SLC7A5: variants seen among roughly 807,000 people sequenced by gnomAD.
SLC7A5 encodes the protein solute carrier family 7 member 5.
SLC7A5 carries 23 observed loss-of-function variants against 50.2 expected under a neutral mutation model. The observed-to-expected ratio is 0.46, with a 90% CI of 0.33 to 0.65. The LOEUF (loss-of-function observed/expected upper bound fraction) is 0.65. Ranked by LOEUF, SLC7A5 falls within the 30% of genes least tolerant of loss-of-function variation. SLC7A5 has a pLI of 0.02. For synonymous variants in SLC7A5, 393 were observed against 330.6 expected (o/e 1.19, Z -2.05); for missense variants, 578 against 684.4 (o/e 0.84, Z 1.73).
At position 87,832,930 on chromosome 16, in the gene SLC7A5, C is replaced by CCT; in HGVS notation, c.*38_*39dup. 1 of 1,558,964 alleles carries CCT rather than the reference C, an allele frequency of 6.4e-7. No homozygotes were observed. Among genetic ancestry groups the CCT allele is most frequent in the South Asian group, 1.1e-5 (1 of 89,934 alleles). ...CGAGGAGGTGATCTACTTTAACTGG[C>CCT]CTCTGCGCATGCTCCTCCGGCAGCC... On this transcript the variant is annotated 3_prime_UTR_variant, in exon 10 of 10. Coordinates refer to ENST00000261622, the MANE Select transcript of SLC7A5 (RefSeq NM_003486.7). The surrounding 1 kb of genome is among the most constrained non-coding windows in gnomAD (Gnocchi z 4.6).
At chr16:87,836,695 C>T (rs949227637) in intron 7 of SLC7A5, 48 bp from the exon 8 acceptor site, 2 of 1,601,978 alleles carry the variant, frequency 1.2e-6, no homozygotes, top group African/African-American at 2.7e-5. Flanking sequence ...ACGAGCAGGG[C>T]TGTGGACGGC....
intron 2 of SLC7A5, 125 bp downstream of exon 2, chr16:87,851,599 C>T: frequency 8.2e-7 from 1 of 1,221,102 alleles, no homozygotes; most frequent in Non-Finnish European, 1.1e-6. Flanking sequence ...AGGGAAATCT[C>T]CACGTTGTAC....
chr16:87,854,113 C>G (rs2055281130), intron 1 of SLC7A5: 2 of 139,638 alleles, frequency 1.4e-5, no homozygotes, highest in South Asian at 4.6e-4. Flanking sequence ...CTGCCCAGTT[C>G]CAACCCAGCC....
At position 87,831,489 on chromosome 16, in the gene SLC7A5, T is replaced by C. The variant is rs1251407215; in HGVS notation, c.*1481A>G. On this transcript the variant is annotated 3_prime_UTR_variant, in exon 10 of 10. Transcript: ENST00000261622. Reference sequence around the variant, plus strand: ...GCAGCCGCTGGTCAGTGAAGCCGTGTCCGGCTTCGTTGGCTCCCGGCTTGG... The same window carrying C: ...GCAGCCGCTGGTCAGTGAAGCCGTGCCCGGCTTCGTTGGCTCCCGGCTTGG... The C allele has an allele frequency of 6.6e-6, 1 of 150,968 alleles. No individual in the cohort carries two copies. The highest frequency in any genetic ancestry group is 6.6e-5 in the Admixed American group (1 of 15,204). 9.4% of individuals were successfully genotyped at this position (150,968 alleles called of 1,614,324 possible).
intron 1 of SLC7A5, among the ~76,000 whole-genome samples, chr16:87,867,603 G>GGTCCTA (rs2055479648): frequency 1.3e-5 from 2 of 151,374 alleles, no homozygotes; most frequent in Non-Finnish European, 2.9e-5. Context: ...AGCGCCAACA[G>GGTCCTA]GTCCTGCCAG....
In SLC7A5 at chr16:87,832,239, C is replaced by G. The variant is rs1212771494; in HGVS notation, c.*731G>C. The G allele has an allele frequency of 6.6e-6, 1 of 152,340 alleles. No homozygotes were observed. The highest frequency in any genetic ancestry group is 6.5e-5 in the Admixed American group (1 of 15,282). 9.4% of individuals were successfully genotyped at this position (152,340 alleles called of 1,614,324 possible). A position where few individuals can be genotyped will look rare whatever the true frequency, so the allele number is the denominator to read the frequency against. Reference sequence around the variant, plus strand: ...CCAAGAGGCCACACTGCCCAGAGGCCAGGCCTGGTGAGCTAGGGGAGATGC... The same window carrying G: ...CCAAGAGGCCACACTGCCCAGAGGCGAGGCCTGGTGAGCTAGGGGAGATGC... On this transcript the variant is annotated 3_prime_UTR_variant, in exon 10 of 10. Transcript: ENST00000261622. This position sits in a 1 kb window ranked among gnomAD's most constrained non-coding sequence, Gnocchi z 4.6.
rs1555515120 is a variant in SLC7A5, at chr16:87,852,643, T to TGTGTGTGC, written c.539-795_539-794insGCACACAC. On this transcript the variant is annotated intron_variant, in intron 1 of 9. Coordinates refer to ENST00000261622, the MANE Select transcript of SLC7A5 (RefSeq NM_003486.7). This position sits in a 1 kb window ranked among gnomAD's most constrained non-coding sequence, Gnocchi z 4.5. The stretch of plus-strand genomic sequence containing the variant: ...AGGCACCCAGCTCTGAGCCTCTGTG[T>TGTGTGTGC]GTGTGTGTGTGTGTGTGTGTGTGTG... 3.2e-5 allele frequency among the ~76,000 whole-genome samples: 3 copies of TGTGTGTGC among 94,616 alleles called. No homozygotes were observed. Among genetic ancestry groups the TGTGTGTGC allele is most frequent in the Non-Finnish European group, 6.0e-5 (3 of 49,906 alleles). 62.1% of individuals were successfully genotyped at this position (94,616 alleles called of 152,430 possible). A position where few individuals can be genotyped will look rare whatever the true frequency, so the allele number is the denominator to read the frequency against.
At chr16:87,863,986 A>AAAAAAAATATATATAT (rs376938738) in intron 1 of SLC7A5, among the ~76,000 whole-genome samples, 1 of 83,280 alleles carries the variant, frequency 1.2e-5, no homozygotes, top group African/African-American at 3.9e-5. Flanking sequence ...ATCATTTAAA[A>AAAAAAAATATATATAT]ATATATATAT....
At chr16:87,867,429 C>A (rs1446077193) in intron 1 of SLC7A5, among the ~76,000 whole-genome samples, 1 of 152,332 alleles carries the variant, frequency 6.6e-6, no homozygotes, top group Admixed American at 6.5e-5. Flanking sequence ...TGTCCTGCTA[C>A]GATTTTTCCC....
intron 2 of SLC7A5, among the ~76,000 whole-genome samples, chr16:87,844,593 C>CA (rs1031824692): frequency 2.0e-5 from 3 of 152,244 alleles, no homozygotes; most frequent in African/African-American, 7.2e-5. Flanking sequence ...GCTCCTGACT[C>CA]AGAGGACGAT....
rs143949263 is a variant in SLC7A5 at position 87,841,292 on chromosome 16, G to A, written c.665-137C>T. 114 of 683,814 alleles carry A rather than the reference G, an allele frequency of 1.7e-4. No homozygotes were observed. In the East Asian group the frequency reaches 1.8e-3, roughly 11 times the overall value. The allele number at this position is 683,814 out of a possible 1,614,324, so 42.4% of individuals were successfully genotyped here. On this transcript the variant is annotated intron_variant, in intron 2 of 9. Transcript: ENST00000261622. The surrounding 1 kb of genome is among the most constrained non-coding windows in gnomAD (Gnocchi z 4.8). ...TGAAGGCTTTTCACTGTGACAAATG[G>A]TATGTACCTGCTGAGCCACATGGAG...
chr16:87,855,896 G>T (rs1349206105), intron 1 of SLC7A5, among the ~76,000 whole-genome samples: 1 of 152,150 alleles, frequency 6.6e-6, no homozygotes, highest in African/African-American at 2.4e-5. Flanking sequence ...CCGTGGATAG[G>T]GTTCAGGGTC....
chr16:87,856,381 C>G (rs575236077), intron 1 of SLC7A5, among the ~76,000 whole-genome samples: 2 of 152,356 alleles, frequency 1.3e-5, no homozygotes, highest in Admixed American at 6.5e-5. Context: ...AAGTGGCCGG[C>G]AGCTTCATCA....
At position 87,831,172 on chromosome 16, in the gene SLC7A5, T is replaced by G. The variant is rs1326920964; in HGVS notation, c.*1798A>C. On this transcript the variant is annotated 3_prime_UTR_variant, in exon 10 of 10. Transcript: ENST00000261622. ...CACAGTCAGTCCACCTGCCTGCTGG[T>G]GGTCCTCGGCCTCCAGACCGTGGGC... 2 of 152,270 alleles carry G rather than the reference T, an allele frequency of 1.3e-5. No individual in the cohort carries two copies. The highest frequency in any genetic ancestry group is 1.3e-4 in the Admixed American group (2 of 15,286). The allele number at this position is 152,270 out of a possible 1,614,324, so 9.4% of individuals were successfully genotyped here.
chr16:87,837,155 G>A (rs1296921824), intron 7 of SLC7A5, among the ~76,000 whole-genome samples: 1 of 152,238 alleles, frequency 6.6e-6, no homozygotes, highest in Non-Finnish European at 1.5e-5. Context: ...GCAAGGGCCA[G>A]GACCTCTGAG....
intron 1 of SLC7A5, among the ~76,000 whole-genome samples, chr16:87,867,136 T>C (rs1597522230): frequency 6.6e-6 from 1 of 152,194 alleles, no homozygotes; most frequent in South Asian, 2.1e-4. Context: ...GTCAGGCTGG[T>C]CTCGAACTCC....
At position 87,843,579 on chromosome 16, in the gene SLC7A5, G is replaced by C. The variant is rs149263150; in HGVS notation, c.665-2424C>G. Among the ~76,000 whole-genome samples the C allele has an allele frequency of 4.5e-3, 687 of 152,040 alleles. 4 individuals carry two copies. Among genetic ancestry groups the C allele is most frequent in the Non-Finnish European group, 6.5e-3 (445 of 67,950 alleles). On this transcript the variant is annotated intron_variant, in intron 2 of 9. Transcript: ENST00000261622. ...TCCAGTGACTCCACGCTACACACAG[G>C]GGAGAGACACACCAGAGGTGGGAGT...
intron 9 of SLC7A5, among the ~76,000 whole-genome samples, chr16:87,834,059 G>C (rs2143700529): frequency 6.6e-6 from 1 of 152,260 alleles, no homozygotes; most frequent in Middle Eastern, 3.4e-3. Context: ...TCACCATGTT[G>C]GCCAGGCTGG....
At chr16:87,842,905 G>A (rs2055099586) in intron 2 of SLC7A5, among the ~76,000 whole-genome samples, 1 of 152,216 alleles carries the variant, frequency 6.6e-6, no homozygotes, top group Admixed American at 6.5e-5. Context: ...TCTGCTCTCT[G>A]ATGGAATGTT....
Sources: allele counts gnomAD v4.1 joint callset (sites outside exome capture counted in the v4.1 genomes callset), GRCh38; gene constraint gnomAD v4.1.1; non-coding constraint Gnocchi (gnomAD v3.1); transcripts MANE v1.5; gene names NCBI Gene and HGNC (gene_info 2026-07-23, HGNC 2026-07-21).